Variants in RPA2 observed in about 807,000 individuals in gnomAD.
The protein encoded by RPA2 is replication protein A 32 kDa subunit.
A neutral mutation model predicts 33.4 loss-of-function variants in RPA2; 22 were observed. The observed-to-expected ratio is 0.66, with a 90% confidence interval of 0.47 to 0.94. The LOEUF is 0.94. Among genes scored for constraint, RPA2 ranks in the 40% least tolerant of loss-of-function variants. The probability of loss-of-function intolerance (pLI) is 0.00; values close to 1 mark genes in which losing one functional copy is unlikely to be tolerated. For missense variants in RPA2, 279 were observed against 329.9 expected (o/e 0.85, Z 1.19); for synonymous variants, 109 against 114.9 (o/e 0.95, Z 0.33).
chr1:27,898,704 C>A (rs1244042447), intron 4 of RPA2, among the ~76,000 whole-genome samples: 1 of 151,652 alleles, frequency 6.6e-6, no homozygotes, highest in Non-Finnish European at 1.5e-5. Context: ...TGCCACCACA[C>A]CTGGTTAATT....
At chr1:27,906,294 G>A (rs1357434786) in intron 4 of RPA2, among the ~76,000 whole-genome samples, 1 of 149,786 alleles carries the variant, frequency 6.7e-6, no homozygotes, top group Non-Finnish European at 1.5e-5. Context: ...TTGAACCTGG[G>A]GCCCAGAGGC....
At chr1:27,909,297 C>T (rs2090068984) in intron 2 of RPA2, among the ~76,000 whole-genome samples, 1 of 152,156 alleles carries the variant, frequency 6.6e-6, no homozygotes, top group Admixed American at 6.6e-5. Context: ...TTTCATTTTG[C>T]TGAAGCATGA....
rs192157818 is a variant in RPA2 at position 27,893,881 on chromosome 1, T to C, written c.728+131A>G. 5.6e-3 allele frequency: 3,878 copies of C among 691,828 alleles called. 13 individuals carry two copies. The highest frequency in any genetic ancestry group is 7.7e-3 in the Non-Finnish European group (3,140 of 405,248). 42.9% of individuals were successfully genotyped at this position (691,828 alleles called of 1,614,324 possible). A position where few individuals can be genotyped will look rare whatever the true frequency, so the allele number is the denominator to read the frequency against. ...GCCTCGGCCTCCCAAAGTGCTGAGA[T>C]TACAGGCGTGAGCCACCATGCCCGG... On this transcript the variant is annotated intron_variant, in intron 8 of 8. Transcript: ENST00000373912.
At chr1:27,897,733 T>G (rs2089911220) in intron 4 of RPA2, 26 bp from the exon 5 acceptor site, 1 of 1,531,512 alleles carries the variant, frequency 6.5e-7, no homozygotes, top group Non-Finnish European at 8.9e-7. Context: ...AACATGTCAT[T>G]AAAGTTTTAG....
intron 4 of RPA2, among the ~76,000 whole-genome samples, chr1:27,903,601 C>G (rs1336489444): frequency 6.6e-6 from 1 of 151,724 alleles, no homozygotes; most frequent in Non-Finnish European, 1.5e-5. Flanking sequence ...CGCCTATAGT[C>G]CCAACTACTC....
At chr1:27,904,345 T>A (rs1366968867) in intron 4 of RPA2, among the ~76,000 whole-genome samples, 2 of 152,142 alleles carry the variant, frequency 1.3e-5, no homozygotes, top group Non-Finnish European at 2.9e-5. Context: ...GTAATAGTAG[T>A]TCTTTAAGAG....
intron 2 of RPA2, among the ~76,000 whole-genome samples, chr1:27,912,436 A>G (rs370959562): frequency 1.3e-5 from 2 of 152,060 alleles, no homozygotes; most frequent in African/African-American, 4.8e-5. Flanking sequence ...AGGTAGTACC[A>G]GCTGCTAGAG....
chr1:27,898,627 C>T (rs193287815), intron 4 of RPA2, among the ~76,000 whole-genome samples: 12 of 151,018 alleles, frequency 7.9e-5, no homozygotes, highest in Non-Finnish European at 1.3e-4. Flanking sequence ...CTCATTGCAA[C>T]CTCTGCCTCA....
At chr1:27,893,371 T>G (rs564686403) in intron 8 of RPA2, among the ~76,000 whole-genome samples, 6 of 152,308 alleles carry the variant, frequency 3.9e-5, no homozygotes, top group Non-Finnish European at 8.8e-5. Flanking sequence ...AGTGGCACAA[T>G]GATGGCTCAC....
chr1:27,900,458 A>AT (rs59692684), intron 4 of RPA2, among the ~76,000 whole-genome samples: 18,574 of 140,484 alleles, frequency 0.13, 3,415 homozygotes, highest in African/African-American at 0.42. Flanking sequence ...GCTGCTTAAG[A>AT]TTTTTTTTTT....
chr1:27,898,712 A>AT (rs751096708), intron 4 of RPA2, among the ~76,000 whole-genome samples: 1 of 150,836 alleles, frequency 6.6e-6, no homozygotes, highest in African/African-American at 2.5e-5. Context: ...CACCTGGTTA[A>AT]TTTTTTTGTA....
chr1:27,903,765 A>G (rs1007978163), intron 4 of RPA2, among the ~76,000 whole-genome samples: 10 of 150,436 alleles, frequency 6.6e-5, no homozygotes, highest in Admixed American at 1.3e-4. Flanking sequence ...CGGTGGCATC[A>G]GCCTATAGTT....
At position 27,894,116 on chromosome 1, in the gene RPA2, C is replaced by A. The variant is rs1347708327; in HGVS notation, c.634-10G>T. The A allele has an allele frequency of 6.2e-7, 1 of 1,610,922 alleles. No homozygotes were observed. Among genetic ancestry groups the A allele is most frequent in the East Asian group, 2.2e-5 (1 of 44,860 alleles). Reference sequence around the variant, plus strand: ...TAATCAAATTCAACACCTGAAGATTCAAATCAGAAAGATTTTAGCAATTAT... The same window carrying A: ...TAATCAAATTCAACACCTGAAGATTAAAATCAGAAAGATTTTAGCAATTAT... On this transcript the variant is annotated splice_polypyrimidine_tract_variant and intron_variant, in intron 7 of 8. Transcript: ENST00000373912.
In RPA2 at chr1:27,897,024, A is replaced by G; in HGVS notation, c.506T>C (p.Leu169Pro). ...ILEVINAHMVLSKANSQPSAG... is the reference protein window; with the variant it reads ...ILEVINAHMVPSKANSQPSAG... ...ACTCACCTGGCTGTTGGCTTTGCTT[A>G]GTACCATGTGTGCATTGATCACTTC... Residue 169 changes from leucine (L) to proline (P), a missense_variant, in exon 6 of 9, where the codon CTA becomes CCA. Coordinates refer to ENST00000373912, the MANE Select transcript of RPA2 (RefSeq NM_002946.5). 6.2e-7 allele frequency: 1 copy of G among 1,612,496 alleles called. No homozygotes were observed. The highest frequency in any genetic ancestry group is 1.1e-5 in the South Asian group (1 of 90,854).
Position 27,897,702 on chromosome 1 carries a change from G to A in RPA2, c.339C>T (p.Thr113=), listed in dbSNP as rs746650899. 2 of 1,588,750 alleles carry A rather than the reference G, an allele frequency of 1.3e-6. No individual in the cohort carries two copies. The highest frequency in any genetic ancestry group is 1.2e-5 in the South Asian group (1 of 85,356). ...DVRQWVDTDD[T]SSENTVVPPE... Reference sequence around the variant, plus strand: ...GAGGAACCACAGTGTTTTCACTGCTGGTGTCCTAACATAAAATACAAACAT... The same window carrying A: ...GAGGAACCACAGTGTTTTCACTGCTAGTGTCCTAACATAAAATACAAACAT... Residue 113 remains threonine (T), a synonymous_variant, in exon 5 of 9, where the codon ACC becomes ACT. Coordinates refer to ENST00000373912, the MANE Select transcript of RPA2 (RefSeq NM_002946.5).
intron 4 of RPA2, among the ~76,000 whole-genome samples, chr1:27,902,259 T>A (rs192477570): frequency 2.2e-4 from 33 of 150,176 alleles, no homozygotes; most frequent in Admixed American, 1.0e-3. Flanking sequence ...GCTAATTTTT[T>A]AATTTTTTTT....
chr1:27,901,277 G>A (rs1284564264), intron 4 of RPA2, among the ~76,000 whole-genome samples: 2 of 152,104 alleles, frequency 1.3e-5, no homozygotes, highest in Non-Finnish European at 1.5e-5. Flanking sequence ...TCAACAGTGA[G>A]GCAAGAATGT....
At position 27,893,457 on chromosome 1, in the gene RPA2, C is replaced by T. The variant is rs543820017; in HGVS notation, c.728+555G>A. Among the ~76,000 whole-genome samples the T allele has an allele frequency of 2.6e-5, 4 of 152,112 alleles. No homozygotes were observed. In the South Asian group the frequency reaches 8.3e-4, roughly 32 times the overall value. On this transcript the variant is annotated intron_variant, in intron 8 of 8. Coordinates refer to ENST00000373912, the MANE Select transcript of RPA2 (RefSeq NM_002946.5). Reference sequence around the variant, plus strand: ...GGTAGCTGGGACTACAGACATGCGCCACTGTGCCCGGCTAATTTGTTTTTA... The same window carrying T: ...GGTAGCTGGGACTACAGACATGCGCTACTGTGCCCGGCTAATTTGTTTTTA...
rs964027214 is a variant in RPA2 at position 27,897,714 on chromosome 1, T to C, written c.334-7A>G. 1.3e-6 allele frequency: 2 copies of C among 1,578,000 alleles called. No individual in the cohort carries two copies. Among genetic ancestry groups the C allele is most frequent in the Non-Finnish European group, 1.7e-6 (2 of 1,161,356 alleles). ...TGTTTTCACTGCTGGTGTCCTAACA[T>C]AAAATACAAACATGTCATTAAAGTT... On this transcript the variant is annotated splice_polypyrimidine_tract_variant and splice_region_variant and intron_variant, in intron 4 of 8. Coordinates refer to ENST00000373912, the MANE Select transcript of RPA2 (RefSeq NM_002946.5).
Sources: allele counts gnomAD v4.1 joint callset (sites outside exome capture counted in the v4.1 genomes callset), GRCh38; gene constraint gnomAD v4.1.1; transcripts MANE v1.5; gene names NCBI Gene and HGNC (gene_info 2026-07-23, HGNC 2026-07-21).